The following ZNF423 variants were observed in gnomAD, a reference collection of about 807,000 sequenced individuals.
ZNF423 encodes zinc finger protein 423.
A neutral mutation model predicts 95.8 loss-of-function variants in ZNF423; 12 were observed. The ratio of observed to expected loss-of-function variants is 0.13; its 90% CI spans 0.08 to 0.20. The LOEUF (loss-of-function observed/expected upper bound fraction) is 0.20, where lower values mean the gene tolerates loss of function less well. ZNF423 is among the 10% of genes least tolerant of loss of function. ZNF423 has a pLI of 1.00. For missense variants in ZNF423, 1,316 were observed against 1,737.1 expected, an observed-to-expected ratio of 0.76 and a Z score of 4.31; for synonymous variants, 749 against 711.9, an observed-to-expected ratio of 1.05 and a Z score of -0.83.
intron 5 of ZNF423, among the ~76,000 whole-genome samples, chr16:49,624,508 G>A (rs1213259397): frequency 5.3e-5 from 8 of 152,176 alleles, no homozygotes; most frequent in South Asian, 2.1e-4. Context: ...GGCAGAGATC[G>A]TGCCACTGCA....
intron 2 of ZNF423, among the ~76,000 whole-genome samples, chr16:49,783,692 C>T (rs1198493956): frequency 2.0e-5 from 3 of 151,780 alleles, no homozygotes; most frequent in African/African-American, 7.3e-5. Context: ...GATTTGGAGA[C>T]GTTGGTAGGA....
chr16:49,577,155 G>T (rs1487755491), intron 5 of ZNF423, among the ~76,000 whole-genome samples: 2 of 152,198 alleles, frequency 1.3e-5, no homozygotes, highest in Admixed American at 1.3e-4. Context: ...GGGGGGTGGG[G>T]TCCCTGCAGG....
At chr16:49,535,355 C>T (rs1567450847) in intron 5 of ZNF423, among the ~76,000 whole-genome samples, 1 of 152,234 alleles carries the variant, frequency 6.6e-6, no homozygotes, top group Non-Finnish European at 1.5e-5. Flanking sequence ...ACACATCCAC[C>T]TCCCGCCTCT....
chr16:49,552,979 G>C (rs1290307237), intron 5 of ZNF423, among the ~76,000 whole-genome samples: 1 of 152,186 alleles, frequency 6.6e-6, no homozygotes, highest in African/African-American at 2.4e-5. Context: ...GCCCAGGGCA[G>C]AGTCACCAGC....
intron 7 of ZNF423, among the ~76,000 whole-genome samples, chr16:49,508,513 TAAAA>T (rs35061120): frequency 0.022 from 2,200 of 101,856 alleles, 73 homozygotes; most frequent in African/African-American, 0.077. Context: ...TTCTCTTTCT[TAAAA>T]AAAAAAAAAA....
chr16:49,816,773 G>A (rs532763980), intron 1 of ZNF423, among the ~76,000 whole-genome samples: 2 of 152,198 alleles, frequency 1.3e-5, no homozygotes, highest in Admixed American at 6.5e-5. Flanking sequence ...GACAGAGCGA[G>A]ACCCTGTCTC....
intron 3 of ZNF423, among the ~76,000 whole-genome samples, chr16:49,653,660 C>T (rs1973498490): frequency 6.6e-6 from 1 of 152,202 alleles, no homozygotes; most frequent in African/African-American, 2.4e-5. Context: ...TAGAGGGAAG[C>T]AGATGCTCTC....
chr16:49,515,386 C>A (rs1203606396), intron 7 of ZNF423, among the ~76,000 whole-genome samples: 1 of 152,256 alleles, frequency 6.6e-6, no homozygotes, highest in Admixed American at 6.5e-5. Context: ...GCACTGCAGG[C>A]CTCATTTAAA....
chr16:49,570,906 T>C (rs1297499165), intron 5 of ZNF423, among the ~76,000 whole-genome samples: 1 of 152,092 alleles, frequency 6.6e-6, no homozygotes, highest in Non-Finnish European at 1.5e-5. Flanking sequence ...ATTGCCACCC[T>C]CCTCCAGGTC....
intron 3 of ZNF423, among the ~76,000 whole-genome samples, chr16:49,641,880 G>A (rs1232966704): frequency 2.6e-5 from 4 of 152,206 alleles, no homozygotes; most frequent in African/African-American, 9.7e-5. Context: ...AGGTGACAGG[G>A]ATCCTTCTGA....
intron 4 of ZNF423, among the ~76,000 whole-genome samples, chr16:49,628,335 G>A (rs563751751): frequency 1.4e-5 from 2 of 139,756 alleles, no homozygotes; most frequent in Admixed American, 7.0e-5. Flanking sequence ...ATCTACCCAC[G>A]CATCCATCCT....
chr16:49,858,717 G>C (rs964021713), upstream of ZNF423, among the ~76,000 whole-genome samples: 1 of 132,802 alleles, frequency 7.5e-6, no homozygotes, highest in African/African-American at 2.8e-5. This position sits in a 1 kb window ranked among gnomAD's most constrained non-coding sequence, Gnocchi z 4.3. Context: ...GGGAATAGGA[G>C]CCCCCCCCCC....
intron 3 of ZNF423, among the ~76,000 whole-genome samples, chr16:49,723,090 G>A (rs544177120): frequency 6.6e-6 from 1 of 151,788 alleles, no homozygotes; most frequent in East Asian, 1.9e-4. Context: ...CGAGTAGCTG[G>A]GACTACAGGC....
intron 7 of ZNF423, among the ~76,000 whole-genome samples, chr16:49,519,890 C>G (rs909231521): frequency 5.9e-5 from 9 of 152,166 alleles, no homozygotes; most frequent in African/African-American, 2.2e-4. Flanking sequence ...CTTCTGTCAT[C>G]CTAGCCCTGG....
intron 5 of ZNF423, among the ~76,000 whole-genome samples, chr16:49,582,121 T>C (rs1970695788): frequency 6.6e-6 from 1 of 152,220 alleles, no homozygotes; most frequent in Non-Finnish European, 1.5e-5. Flanking sequence ...ACACGCAAGC[T>C]GGGGATGCAA....
chr16:49,858,025 C>T (rs1391716225), upstream of ZNF423: 1 of 152,262 alleles, frequency 6.6e-6, no homozygotes, highest in Non-Finnish European at 1.5e-5. This position sits in a 1 kb window ranked among gnomAD's most constrained non-coding sequence, Gnocchi z 4.3. Context: ...CCTCGCCCCC[C>T]TCCCGGGTGA....
intron 2 of ZNF423, among the ~76,000 whole-genome samples, chr16:49,774,147 T>C (rs947242383): frequency 1.3e-5 from 2 of 152,180 alleles, no homozygotes; most frequent in South Asian, 2.1e-4. Flanking sequence ...TCAGGCCCTG[T>C]GGCTTTGCAG....
rs2035353577 is a variant in ZNF423, at chr16:49,855,508, C to CCG, written c.40+226_40+227insCG. ...GCAGGGAGGGTGTCCGCGGCGTACC[C>CCG]CCTCCGCCGCCGCCGCCGCCGCCGC... On this transcript the variant is annotated intron_variant, in intron 1 of 7. Coordinates refer to ENST00000563137, the MANE Select transcript of ZNF423 (RefSeq NM_001379286.1). This position sits in a 1 kb window ranked among gnomAD's most constrained non-coding sequence, Gnocchi z 4.7. Among the ~76,000 whole-genome samples, 1 of 100,426 alleles carries CCG rather than the reference C, an allele frequency of 1.0e-5. No individual in the cohort carries two copies. The highest frequency in any genetic ancestry group is 4.6e-5 in the African/African-American group (1 of 21,758). 65.9% of individuals were successfully genotyped at this position (100,426 alleles called of 152,430 possible).
intron 2 of ZNF423, among the ~76,000 whole-genome samples, chr16:49,751,113 C>T (rs1242834733): frequency 6.6e-6 from 1 of 152,202 alleles, no homozygotes; most frequent in Non-Finnish European, 1.5e-5. Context: ...CCATTCAAGG[C>T]ACACATGGGA....
Sources: gnomAD v4.1 joint callset for allele counts (sites outside exome capture counted in the v4.1 genomes callset) on GRCh38, gnomAD v4.1.1 for gene constraint, Gnocchi (gnomAD v3.1) non-coding constraint, MANE v1.5 for transcripts, NCBI Gene and HGNC (gene_info 2026-07-23, HGNC 2026-07-21) for gene names.